The following PHF11 variants were observed in gnomAD, a reference collection of about 807,000 sequenced individuals.
PHF11 encodes PHD finger protein 11, also known as BRCA1 C-terminus-associated protein.
In PHF11, 38 loss-of-function variants were observed where a neutral mutation model predicts 40.5. That is an observed-to-expected ratio of 0.94 (90% CI 0.72 to 1.23). The LOEUF is 1.23. Among genes scored for constraint, PHF11 ranks in the 50% most tolerant of loss-of-function variants. The pLI is 0.00. For synonymous variants in PHF11, 127 were observed against 138.2 expected, an observed-to-expected ratio of 0.92 and a Z score of 0.57; for missense variants, 369 against 392.4, an observed-to-expected ratio of 0.94 and a Z score of 0.50.
At chr13:49,507,292 A>G (rs779490656) in intron 2 of PHF11, among the ~76,000 whole-genome samples, 1 of 152,180 alleles carries the variant, frequency 6.6e-6, no homozygotes, top group Non-Finnish European at 1.5e-5. Flanking sequence ...TATAATTTCT[A>G]TCAAAGTCTA....
chr13:49,502,198 G>T (rs113057899), intron 1 of PHF11, among the ~76,000 whole-genome samples: 82 of 152,118 alleles, frequency 5.4e-4, no homozygotes, highest in Non-Finnish European at 1.0e-3. Flanking sequence ...CTACTTTGGA[G>T]GCTGAGGTGA....
chr13:49,498,612 G>A (rs1371895019), intron 1 of PHF11, among the ~76,000 whole-genome samples: 1 of 151,818 alleles, frequency 6.6e-6, no homozygotes, highest in African/African-American at 2.4e-5. Context: ...TCTGACAGTA[G>A]CATAGTGCAT....
intron 2 of PHF11, among the ~76,000 whole-genome samples, chr13:49,510,000 T>C (rs995342457): frequency 6.6e-6 from 1 of 152,012 alleles, no homozygotes; most frequent in Non-Finnish European, 1.5e-5. Flanking sequence ...GTTTCACCTG[T>C]TGTACTAATA....
intron 1 of PHF11, among the ~76,000 whole-genome samples, chr13:49,503,100 G>A (rs1003532169): frequency 1.3e-5 from 2 of 152,120 alleles, no homozygotes; most frequent in Non-Finnish European, 2.9e-5. Flanking sequence ...CTTTCAACAC[G>A]TTTCTCAAAT....
At chr13:49,506,786 A>G (rs1216225653) in intron 2 of PHF11, 30 bp downstream of exon 2, 1 of 1,555,840 alleles carries the variant, frequency 6.4e-7, no homozygotes, top group Non-Finnish European at 8.8e-7. Flanking sequence ...ACTTCAAAGT[A>G]CATGAGTACT....
intron 2 of PHF11, 75 bp downstream of exon 2, chr13:49,506,831 A>C (rs1959001014): frequency 1.1e-6 from 1 of 918,734 alleles, no homozygotes; most frequent in Non-Finnish European, 1.6e-6. Context: ...GATAAACAAC[A>C]CTTTGGACAC....
intron 1 of PHF11, among the ~76,000 whole-genome samples, chr13:49,499,236 C>A (rs1221502924): frequency 6.6e-6 from 1 of 152,216 alleles, no homozygotes; most frequent in Non-Finnish European, 1.5e-5. Context: ...GAACTGAAAT[C>A]TTCTATCCTG....
chr13:49,525,021 A>C (rs74520758), intron 8 of PHF11, among the ~76,000 whole-genome samples: 15,398 of 152,244 alleles, frequency 0.1, 912 homozygotes, highest in Non-Finnish European at 0.12. Flanking sequence ...ATCTGAGAAC[A>C]GTGTTATGTT....
In PHF11 at chr13:49,520,876, T is replaced by G; in HGVS notation, c.459-18T>G. ...TAAATAAAAATATTTTACAATTCTT[T>G]GAAATTAAATATTTCAGACTGCTTT... is the stretch of plus-strand genomic sequence containing the variant. On this transcript the variant is annotated intron_variant, in intron 4 of 9. Coordinates refer to ENST00000378319, the MANE Select transcript of PHF11 (RefSeq NM_001040443.3). The G allele has an allele frequency of 6.7e-7, 1 of 1,502,996 alleles. No homozygotes were observed. The highest frequency in any genetic ancestry group is 9.1e-7 in the Non-Finnish European group (1 of 1,096,182). 93.1% of individuals were successfully genotyped at this position (1,502,996 alleles called of 1,614,324 possible). A position where few individuals can be genotyped will look rare whatever the true frequency, so the allele number is the denominator to read the frequency against.
chr13:49,514,968 T>C (rs1959132967), intron 3 of PHF11, among the ~76,000 whole-genome samples: 1 of 152,070 alleles, frequency 6.6e-6, no homozygotes, highest in African/African-American at 2.4e-5. Flanking sequence ...TAATTGGATT[T>C]GAGTGGGGAG....
At chr13:49,511,975 A>G (rs1303248893) in intron 2 of PHF11, among the ~76,000 whole-genome samples, 2 of 152,226 alleles carry the variant, frequency 1.3e-5, no homozygotes, top group African/African-American at 2.4e-5. Flanking sequence ...AAGTTAGTGT[A>G]TGTTTAACCT....
chr13:49,521,027 T>G, intron 5 of PHF11, 87 bp downstream of exon 5: 1 of 1,457,342 alleles, frequency 6.9e-7, no homozygotes, highest in East Asian at 2.4e-5. Flanking sequence ...TCTAGCCTCG[T>G]TGAATTAAAA....
intron 8 of PHF11, among the ~76,000 whole-genome samples, chr13:49,525,574 C>T (rs1393765563): frequency 6.6e-6 from 1 of 152,010 alleles, no homozygotes; most frequent in Admixed American, 6.6e-5. Flanking sequence ...TAACTTATAT[C>T]CCATGAGTTT....
intron 1 of PHF11, among the ~76,000 whole-genome samples, chr13:49,506,138 T>A (rs1440242638): frequency 6.6e-6 from 1 of 151,850 alleles, no homozygotes; most frequent in Non-Finnish European, 1.5e-5. Context: ...AGCTCGTGCC[T>A]GTAATCCCAG....
rs764287506 is a variant in PHF11, at chr13:49,526,464, T to C, written c.841+6T>C. ...ATTTGTAAATTTTCAAGCAGGTATA[T>C]GAGTTATATAACATCTGAGCAGCAT... On this transcript the variant is annotated splice_donor_region_variant and intron_variant, in intron 9 of 9. Coordinates refer to ENST00000378319, the MANE Select transcript of PHF11 (RefSeq NM_001040443.3). The C allele has an allele frequency of 6.6e-7, 1 of 1,513,772 alleles. No individual in the cohort carries two copies. Among genetic ancestry groups the C allele is most frequent in the Admixed American group, 1.7e-5 (1 of 59,768 alleles). The allele number at this position is 1,513,772 out of a possible 1,614,324, so 93.8% of individuals were successfully genotyped here.
At chr13:49,501,015 TG>T (rs367620506) in intron 1 of PHF11, among the ~76,000 whole-genome samples, 1,604 of 60,638 alleles carry the variant, frequency 0.026, 273 homozygotes, top group African/African-American at 0.09. Context: ...TTTTTTTTTT[TG>T]GTTTTTTTTT....
intron 1 of PHF11, among the ~76,000 whole-genome samples, chr13:49,505,567 A>G (rs1222090402): frequency 6.6e-6 from 1 of 152,252 alleles, no homozygotes; most frequent in Non-Finnish European, 1.5e-5. Context: ...GTTTTCTACT[A>G]CAGAAAATCA....
chr13:49,523,253 GT>G lies in PHF11; in HGVS notation c.637+13del. 4 of 1,584,442 alleles carry G rather than the reference GT, an allele frequency of 2.5e-6. No homozygotes were observed. Among genetic ancestry groups the G allele is most frequent in the Non-Finnish European group, 3.5e-6 (4 of 1,153,364 alleles). On this transcript the variant is annotated intron_variant, in intron 7 of 9. Coordinates refer to ENST00000378319, the MANE Select transcript of PHF11 (RefSeq NM_001040443.3). ...TGGCAGACACACAGGTTTGCGCTAAGTGTTGTCTGTAACAAATATGGCCTAC... is the reference window on the plus strand; with the variant it reads ...TGGCAGACACACAGGTTTGCGCTAAGGTTGTCTGTAACAAATATGGCCTAC...
chr13:49,528,208 A>C (rs1959396086), intron 9 of PHF11, among the ~76,000 whole-genome samples: 1 of 152,254 alleles, frequency 6.6e-6, no homozygotes, highest in African/African-American at 2.4e-5. Flanking sequence ...AAGGTTATAC[A>C]GTCACTGTTT....
Sources: allele counts gnomAD v4.1 joint callset (sites outside exome capture counted in the v4.1 genomes callset), GRCh38; gene constraint gnomAD v4.1.1; transcripts MANE v1.5; gene names NCBI Gene and HGNC (gene_info 2026-07-23, HGNC 2026-07-21).